SRP54: variants seen among roughly 807,000 people sequenced by gnomAD.
SRP54 encodes the protein signal recognition particle 54, also known as signal recognition particle subunit SRP54.
Under a neutral mutation model 64.8 loss-of-function variants are expected in SRP54, and 10 were observed. The observed-to-expected ratio is 0.15, with a 90% confidence interval of 0.10 to 0.26. The LOEUF (loss-of-function observed/expected upper bound fraction) is 0.26. SRP54 is among the 10% of genes least tolerant of loss of function. SRP54 has a pLI of 1.00. For synonymous variants in SRP54, 193 were observed against 185.6 expected, an observed-to-expected ratio of 1.04 and a Z score of -0.32; for missense variants, 325 against 613.7, an observed-to-expected ratio of 0.53 and a Z score of 4.97.
intron 5 of SRP54, 152 bp downstream of exon 5, chr14:35,007,539 T>C (rs1210985309): frequency 5.1e-6 from 1 of 197,906 alleles, no homozygotes; most frequent in Non-Finnish European, 1.1e-5. Flanking sequence ...TTATATATTA[T>C]AAATAATGTT....
At chr14:34,999,250 A>G (rs1015106509) in intron 2 of SRP54, among the ~76,000 whole-genome samples, 1 of 151,808 alleles carries the variant, frequency 6.6e-6, no homozygotes, top group African/African-American at 2.4e-5. Context: ...CCTGACCTCA[A>G]GTGGTCTGCC....
intron 14 of SRP54, among the ~76,000 whole-genome samples, chr14:35,027,357 T>C (rs2044648109): frequency 6.6e-6 from 1 of 152,014 alleles, no homozygotes; most frequent in South Asian, 2.1e-4. Flanking sequence ...CATATTCATC[T>C]ACCAGCCATC....
At chr14:34,998,582 C>T (rs190797820) in intron 2 of SRP54, among the ~76,000 whole-genome samples, 2 of 152,076 alleles carry the variant, frequency 1.3e-5, no homozygotes, top group African/African-American at 2.4e-5. Context: ...GAGGCTGAGG[C>T]GGGCGGATCA....
chr14:35,021,580 C>G (rs766063205), intron 13 of SRP54, among the ~76,000 whole-genome samples: 1 of 151,424 alleles, frequency 6.6e-6, no homozygotes, highest in East Asian at 1.9e-4. Context: ...TTGCAGTGAG[C>G]GAAGCTTGCA....
intron 8 of SRP54, among the ~76,000 whole-genome samples, chr14:35,012,389 A>G (rs2044369579): frequency 6.6e-6 from 1 of 152,166 alleles, no homozygotes; most frequent in Non-Finnish European, 1.5e-5. Flanking sequence ...GAAGCAGTTT[A>G]TAGATATCTG....
At chr14:34,987,328 A>G (rs1594974959) in intron 1 of SRP54, among the ~76,000 whole-genome samples, 1 of 148,808 alleles carries the variant, frequency 6.7e-6, no homozygotes, top group East Asian at 2.0e-4. Flanking sequence ...CCTAAAGTGT[A>G]CAATTGAAAG....
intron 5 of SRP54, among the ~76,000 whole-genome samples, chr14:35,008,207 T>C (rs990769630): frequency 6.6e-6 from 1 of 152,206 alleles, no homozygotes; most frequent in Non-Finnish European, 1.5e-5. Context: ...TTGACCGCTT[T>C]ATGCTAATTT....
At chr14:35,007,982 T>G (rs1364831831) in intron 5 of SRP54, among the ~76,000 whole-genome samples, 3 of 152,102 alleles carry the variant, frequency 2.0e-5, no homozygotes, top group African/African-American at 4.8e-5. Flanking sequence ...AAAAGACCAT[T>G]CCTATCCTTT....
intron 1 of SRP54, among the ~76,000 whole-genome samples, chr14:34,985,088 T>C (rs1045579227): frequency 6.6e-6 from 1 of 152,168 alleles, no homozygotes; most frequent in African/African-American, 2.4e-5. Flanking sequence ...CCCAATACTT[T>C]GGGAGGCTGA....
chr14:35,010,044 AG>A (rs1323656391), intron 7 of SRP54, among the ~76,000 whole-genome samples: 2 of 151,802 alleles, frequency 1.3e-5, no homozygotes, highest in African/African-American at 2.4e-5. Context: ...GCTACTTGGG[AG>A]GCTGAGGCAG....
chr14:35,011,332 C>T (rs922885837), intron 7 of SRP54, among the ~76,000 whole-genome samples, 177 bp from the exon 8 acceptor site: 3 of 152,088 alleles, frequency 2.0e-5, no homozygotes, highest in Non-Finnish European at 4.4e-5. Context: ...TTGGATAATG[C>T]TTCATGCTTT....
intron 13 of SRP54, among the ~76,000 whole-genome samples, chr14:35,019,802 T>C (rs799456): frequency 0.23 from 34,273 of 152,222 alleles, 4,656 homozygotes; most frequent in Non-Finnish European, 0.31. Context: ...ATAAAAGTTA[T>C]GTTTACAAAT....
intron 1 of SRP54, among the ~76,000 whole-genome samples, chr14:34,987,862 T>C (rs764088875): frequency 1.3e-5 from 2 of 152,236 alleles, no homozygotes; most frequent in Admixed American, 6.5e-5. Context: ...ATACTACATA[T>C]GCAGTTTTGT....
chr14:35,016,844 TC>T (rs369384873), intron 11 of SRP54, among the ~76,000 whole-genome samples: 81,328 of 123,122 alleles, frequency 0.66, 25,591 homozygotes, highest in East Asian at 0.72. Context: ...TTTTTTCTTT[TC>T]TTTTTTTTTT....
At chr14:34,985,509 C>G (rs1409841190) in intron 1 of SRP54, among the ~76,000 whole-genome samples, 1 of 152,106 alleles carries the variant, frequency 6.6e-6, no homozygotes, top group Non-Finnish European at 1.5e-5. Context: ...GTTTCTTTTT[C>G]TCTAGTTCAA....
intron 2 of SRP54, among the ~76,000 whole-genome samples, chr14:34,998,796 A>G (rs1318475179): frequency 2.0e-5 from 3 of 151,376 alleles, no homozygotes; most frequent in African/African-American, 7.3e-5. Flanking sequence ...CTGGGCAACA[A>G]GAGCGAAACT....
chr14:35,019,385 TA>T (rs2044491047), intron 13 of SRP54: 1 of 196,338 alleles, frequency 5.1e-6, no homozygotes, highest in Admixed American at 5.4e-5. Flanking sequence ...TGCTAGTTTT[TA>T]AAGAGTTAAA....
intron 1 of SRP54, among the ~76,000 whole-genome samples, chr14:34,995,188 T>TGTGTAG (rs1555353238): frequency 6.3e-5 from 5 of 79,886 alleles, no homozygotes; most frequent in African/African-American, 1.3e-4. Flanking sequence ...TGTGTGTGTG[T>TGTGTAG]AGAGAGAGAG....
chr14:35,017,629 AG>A (rs2044464751), intron 11 of SRP54, among the ~76,000 whole-genome samples: 1 of 152,226 alleles, frequency 6.6e-6, no homozygotes, highest in East Asian at 1.9e-4. Context: ...GGACATAAAT[AG>A]AAAATACTTT....
Sources: allele counts gnomAD v4.1 joint callset (sites outside exome capture counted in the v4.1 genomes callset), GRCh38; gene constraint gnomAD v4.1.1; transcripts MANE v1.5; gene names NCBI Gene and HGNC (gene_info 2026-07-23, HGNC 2026-07-21).